RHOBTB1: variants seen among roughly 807,000 people sequenced by gnomAD.
RHOBTB1 encodes the protein rho-related BTB domain-containing protein 1.
RHOBTB1 carries 40 observed loss-of-function variants against 71.6 expected under a neutral mutation model. The ratio of observed to expected loss-of-function variants is 0.56; its 90% CI spans 0.43 to 0.73. The LOEUF (loss-of-function observed/expected upper bound fraction) is 0.73, where lower values mean the gene tolerates loss of function less well. Among genes scored for constraint, RHOBTB1 ranks in the 30% least tolerant of loss-of-function variants. RHOBTB1 has a pLI of 0.00. For missense variants in RHOBTB1, 797 were observed against 894.0 expected (o/e 0.89, Z 1.38); for synonymous variants, 319 against 334.9 (o/e 0.95, Z 0.52).
chr10:60,922,066 A>G (rs1169457863), intron 2 of RHOBTB1, among the ~76,000 whole-genome samples: 1 of 152,212 alleles, frequency 6.6e-6, no homozygotes, highest in Non-Finnish European at 1.5e-5. Flanking sequence ...TCTAGTTTCT[A>G]GAGCCGATTT....
chr10:60,993,508 TGCATTG>T (rs2086941023), intron 1 of RHOBTB1, among the ~76,000 whole-genome samples: 1 of 152,196 alleles, frequency 6.6e-6, no homozygotes, highest in Non-Finnish European at 1.5e-5. Flanking sequence ...TTTTCTCCTT[TGCATTG>T]CCTGCTCAAA....
chr10:60,911,485 C>T lies in RHOBTB1; in HGVS notation c.58G>A (p.Val20Met), dbSNP rs1277027672. 5.0e-6 allele frequency: 8 copies of T among 1,614,222 alleles called. No individual in the cohort carries two copies. The highest frequency in any genetic ancestry group is 2.2e-5 in the East Asian group (1 of 44,878). The change falls in exon 3 of 11, where the codon GTG (valine) becomes ATG (methionine). Residue 20 changes from valine to methionine, a missense_variant. Physicochemically the swap from Val to Met is conservative, Grantham distance 21. Around this residue, in one of 2 missense-constraint regions of RHOBTB1, gnomAD observed 139 missense variants for 212.5 expected, o/e 0.65. Coordinates refer to ENST00000337910, the MANE Select transcript of RHOBTB1 (RefSeq NM_014836.5). Reference sequence around the variant, plus strand: ...GTCTTCCCCACGGCATTGTCACCCACGACCACACATTTGATAGTTTCAACG... The same window carrying T: ...GTCTTCCCCACGGCATTGTCACCCATGACCACACATTTGATAGTTTCAACG... Reference protein sequence around the residue: ...PNVETIKCVVVGDNAVGKTRL... With the variant: ...PNVETIKCVVMGDNAVGKTRL...
At position 60,925,675 on chromosome 10, in the gene RHOBTB1, C is replaced by T. The variant is rs116041719; in HGVS notation, c.-10-14123G>A. Among the ~76,000 whole-genome samples, 950 of 151,512 alleles carry T rather than the reference C, an allele frequency of 6.3e-3. 12 individuals carry two copies. Among genetic ancestry groups the T allele is most frequent in the African/African-American group, 0.022 (899 of 41,310 alleles). On this transcript the variant is annotated intron_variant, in intron 2 of 10. Transcript: ENST00000337910. ...TAAAATGGACAAATCTTTAGCCAGACTAAGAAAAAAAAGAAGACCCGAATA... is the reference window on the plus strand; with the variant it reads ...TAAAATGGACAAATCTTTAGCCAGATTAAGAAAAAAAAGAAGACCCGAATA...
chr10:60,999,371 A>C (rs1245515670), intron 1 of RHOBTB1, among the ~76,000 whole-genome samples: 1 of 152,236 alleles, frequency 6.6e-6, no homozygotes, highest in Non-Finnish European at 1.5e-5. Context: ...AAACAACAAC[A>C]AAAAAGATCC....
At chr10:60,995,956 T>C (rs1026080047) in intron 1 of RHOBTB1, among the ~76,000 whole-genome samples, 1 of 152,214 alleles carries the variant, frequency 6.6e-6, no homozygotes, top group African/African-American at 2.4e-5. Context: ...TGAATATTTA[T>C]GCAGTATCAC....
chr10:60,873,313 C>G (rs2080889798), intron 9 of RHOBTB1, among the ~76,000 whole-genome samples: 1 of 152,180 alleles, frequency 6.6e-6, no homozygotes, highest in Admixed American at 6.5e-5. Context: ...ATGTTATCAT[C>G]AGCCATGATG....
intron 2 of RHOBTB1, among the ~76,000 whole-genome samples, chr10:60,937,730 T>G (rs2084670939): frequency 6.6e-6 from 1 of 152,128 alleles, no homozygotes; most frequent in South Asian, 2.1e-4. Context: ...GCCTGTTGTG[T>G]TCAAGAAAAA....
intron 2 of RHOBTB1, among the ~76,000 whole-genome samples, chr10:60,951,267 C>G (rs1645872434): frequency 6.6e-6 from 1 of 152,132 alleles, no homozygotes; most frequent in African/African-American, 2.4e-5. Context: ...GAGACCTACC[C>G]ATCAGTTCTT....
rs561746652 is a variant in RHOBTB1, at chr10:60,985,155, T to A, written c.-62+690A>T. 8.5e-5 allele frequency among the ~76,000 whole-genome samples: 13 copies of A among 152,292 alleles called. No individual in the cohort carries two copies. In the East Asian group the frequency reaches 2.3e-3, roughly 27 times the overall value. On this transcript the variant is annotated intron_variant, in intron 2 of 11. Transcript: ENST00000357917. ...AGAGAGTTTTCCTTTTAAATATGCATTAGAACATATAAACATATGAAGAAA... is the reference window on the plus strand; with the variant it reads ...AGAGAGTTTTCCTTTTAAATATGCAATAGAACATATAAACATATGAAGAAA...
intron 1 of RHOBTB1, among the ~76,000 whole-genome samples, chr10:60,986,885 C>G (rs369846150): frequency 1.1e-4 from 17 of 152,272 alleles, no homozygotes; most frequent in South Asian, 8.3e-4. Context: ...CTGTGCCTCT[C>G]TAACAAAGAC....
downstream of RHOBTB1, among the ~76,000 whole-genome samples, chr10:60,866,223 G>A (rs78301625): frequency 0.039 from 5,976 of 152,236 alleles, 196 homozygotes; most frequent in African/African-American, 0.094. Flanking sequence ...TTCTATCACC[G>A]GTGGAATGGA....
chr10:60,939,086 T>C (rs545820550), intron 2 of RHOBTB1, among the ~76,000 whole-genome samples: 19 of 151,968 alleles, frequency 1.3e-4, no homozygotes, highest in Non-Finnish European at 1.6e-4. Context: ...AGGTGCAGAG[T>C]GGAGACATGT....
At chr10:60,886,062 G>A (rs755439869) in intron 7 of RHOBTB1, 50 bp downstream of exon 7, 4 of 1,324,590 alleles carry the variant, frequency 3.0e-6, no homozygotes, top group Admixed American at 3.4e-5. Context: ...AAATACACAG[G>A]CACACATACA....
intron 8 of RHOBTB1, among the ~76,000 whole-genome samples, chr10:60,875,709 T>C (rs2081019504): frequency 6.6e-6 from 1 of 152,218 alleles, no homozygotes; most frequent in South Asian, 2.1e-4. Context: ...GTTCAGCCTC[T>C]TGGATTCTAA....
chr10:61,001,189 C>G (rs1400266956), intron 1 of RHOBTB1, among the ~76,000 whole-genome samples: 1 of 152,124 alleles, frequency 6.6e-6, no homozygotes, highest in Non-Finnish European at 1.5e-5. Context: ...GTCAGAGCAG[C>G]TGGGCTAGCT....
chr10:60,945,490 A>G (rs1474021418), upstream of RHOBTB1, among the ~76,000 whole-genome samples: 1 of 152,090 alleles, frequency 6.6e-6, no homozygotes, highest in Non-Finnish European at 1.5e-5. Context: ...AAAAATTCTA[A>G]AAGCAAACAC....
At chr10:60,982,478 TG>T (rs1464261466) in intron 2 of RHOBTB1, among the ~76,000 whole-genome samples, 1 of 152,200 alleles carries the variant, frequency 6.6e-6, no homozygotes, top group Middle Eastern at 3.2e-3. Flanking sequence ...TTCTCAACCT[TG>T]ATACCATTGA....
At chr10:60,880,217 G>A (rs1264362736) in intron 7 of RHOBTB1, among the ~76,000 whole-genome samples, 1 of 140,766 alleles carries the variant, frequency 7.1e-6, no homozygotes, top group Non-Finnish European at 1.6e-5. Flanking sequence ...GAGAGAGAGA[G>A]AGAGAGAGAG....
intron 2 of RHOBTB1, among the ~76,000 whole-genome samples, chr10:60,911,834 C>A (rs1445784097): frequency 1.3e-5 from 2 of 152,170 alleles, no homozygotes; most frequent in African/African-American, 4.8e-5. Flanking sequence ...CACAACCTGC[C>A]TACTGGAGCT....
Sources: allele counts gnomAD v4.1 joint callset (sites outside exome capture counted in the v4.1 genomes callset), GRCh38; gene constraint gnomAD v4.1.1; regional missense constraint gnomAD v4.1.1; transcripts MANE v1.5; gene names NCBI Gene and HGNC (gene_info 2026-07-23, HGNC 2026-07-21).